CDK19: variants seen among roughly 807,000 people sequenced by gnomAD.
CDK19 encodes the protein cyclin-dependent kinase 19.
Under a neutral mutation model 68.3 loss-of-function variants are expected in CDK19, and 20 were observed. The observed-to-expected ratio is 0.29, with a 90% CI of 0.21 to 0.43. The LOEUF is 0.43. Ranked by LOEUF, CDK19 falls within the 20% of genes least tolerant of loss-of-function variation. The pLI, the probability that CDK19 is intolerant of heterozygous loss-of-function variation, is 1.00. For missense variants in CDK19, 339 were observed against 623.5 expected, an observed-to-expected ratio of 0.54 and a Z score of 4.86; for synonymous variants, 221 against 222.8, an observed-to-expected ratio of 0.99 and a Z score of 0.07.
chr6:110,687,225 C>T (rs1277466257), intron 2 of CDK19, among the ~76,000 whole-genome samples: 1 of 152,094 alleles, frequency 6.6e-6, no homozygotes. Context: ...GTTGAAAGTT[C>T]CACTTTTCAG....
chr6:110,663,621 T>G (rs1223774265), intron 4 of CDK19, among the ~76,000 whole-genome samples: 1 of 152,188 alleles, frequency 6.6e-6, no homozygotes, highest in African/African-American at 2.4e-5. Context: ...AGCCTTGACC[T>G]CCTGGGCTAA....
At chr6:110,683,003 C>T (rs764369086) in intron 2 of CDK19, among the ~76,000 whole-genome samples, 4 of 151,734 alleles carry the variant, frequency 2.6e-5, no homozygotes, top group Non-Finnish European at 5.9e-5. Context: ...TGGTGAAACC[C>T]AATCTCTACT....
At chr6:110,799,045 G>C (rs1348366662) in intron 1 of CDK19, among the ~76,000 whole-genome samples, 1 of 150,502 alleles carries the variant, frequency 6.6e-6, no homozygotes, top group South Asian at 2.1e-4. Context: ...TCAGGAGGCT[G>C]AGGTGGGAGA....
chr6:110,760,378 C>T (rs537212650), intron 1 of CDK19, among the ~76,000 whole-genome samples: 2 of 112,986 alleles, frequency 1.8e-5, no homozygotes, highest in Non-Finnish European at 3.3e-5. Context: ...GCCTGGGCCA[C>T]AGAGCAAGGC....
intron 2 of CDK19, among the ~76,000 whole-genome samples, chr6:110,684,105 AC>A (rs757245987): frequency 1.3e-4 from 20 of 152,100 alleles, no homozygotes; most frequent in Non-Finnish European, 2.8e-4. Context: ...GAAAAATGAA[AC>A]AGATACAAAC....
intron 1 of CDK19, among the ~76,000 whole-genome samples, chr6:110,771,281 G>A (rs962682084): frequency 2.0e-5 from 3 of 152,212 alleles, no homozygotes; most frequent in Non-Finnish European, 4.4e-5. Flanking sequence ...TACATCTTCT[G>A]AAATCTAGAT....
chr6:110,726,155 G>C (rs1226324524), intron 2 of CDK19, among the ~76,000 whole-genome samples: 1 of 152,054 alleles, frequency 6.6e-6, no homozygotes, highest in Non-Finnish European at 1.5e-5. Flanking sequence ...GATAATCCTA[G>C]TATTTCATGA....
At chr6:110,665,963 G>A (rs776027361) in intron 4 of CDK19, among the ~76,000 whole-genome samples, 13 of 151,726 alleles carry the variant, frequency 8.6e-5, no homozygotes, top group Non-Finnish European at 1.8e-4. Flanking sequence ...GGCCGGTCTC[G>A]AAGTCCTGAG....
intron 2 of CDK19, among the ~76,000 whole-genome samples, chr6:110,677,257 T>TAA (rs1771606133): frequency 6.6e-6 from 1 of 152,148 alleles, no homozygotes; most frequent in Non-Finnish European, 1.5e-5. Context: ...AGGAGCCTTG[T>TAA]AAGCCATGCA....
chr6:110,627,176 A>G (rs372357721), intron 6 of CDK19, 31 bp from the exon 7 acceptor site: 6 of 1,550,010 alleles, frequency 3.9e-6, no homozygotes, highest in South Asian at 1.2e-5. Context: ...GTTTTTGTAT[A>G]TATTTCCTTG....
At chr6:110,622,953 T>G (rs747181937) in intron 9 of CDK19, 41 bp from the exon 10 acceptor site, 10 of 1,201,906 alleles carry the variant, frequency 8.3e-6, no homozygotes, top group Non-Finnish European at 1.2e-5. Context: ...ATGAAAAGGT[T>G]ATTTACAAGT....
chr6:110,712,605 G>A (rs1468253814), intron 2 of CDK19, among the ~76,000 whole-genome samples: 1 of 152,120 alleles, frequency 6.6e-6, no homozygotes, highest in Non-Finnish European at 1.5e-5. Context: ...TCTTGTCTTT[G>A]GGGTTCTTGC....
At chr6:110,628,776 G>C (rs1232964206) in intron 6 of CDK19, among the ~76,000 whole-genome samples, 1 of 152,130 alleles carries the variant, frequency 6.6e-6, no homozygotes, top group Non-Finnish European at 1.5e-5. Context: ...TTACTTATTT[G>C]ACCACATTCA....
intron 1 of CDK19, among the ~76,000 whole-genome samples, chr6:110,750,853 T>C (rs1308576021): frequency 6.6e-6 from 1 of 152,150 alleles, no homozygotes; most frequent in Non-Finnish European, 1.5e-5. Flanking sequence ...TTTTCTTTTC[T>C]GAGACAGAGT....
chr6:110,629,256 G>C (rs143732078), intron 6 of CDK19, among the ~76,000 whole-genome samples: 26 of 152,212 alleles, frequency 1.7e-4, no homozygotes, highest in African/African-American at 6.3e-4. Context: ...CCTCATATTA[G>C]CCTATAATTT....
At chr6:110,663,413 A>C (rs1317681462) in intron 4 of CDK19, among the ~76,000 whole-genome samples, 1 of 152,226 alleles carries the variant, frequency 6.6e-6, no homozygotes, top group Non-Finnish European at 1.5e-5. Context: ...TACAGTTTAA[A>C]TCTACTCCTG....
intron 2 of CDK19, among the ~76,000 whole-genome samples, chr6:110,682,057 C>T (rs890245297): frequency 2.6e-5 from 4 of 152,184 alleles, no homozygotes; most frequent in African/African-American, 9.7e-5. Flanking sequence ...CATCTTTCTT[C>T]CCTTTTCACT....
intron 2 of CDK19, among the ~76,000 whole-genome samples, chr6:110,704,659 A>G (rs1774287932): frequency 6.6e-6 from 1 of 152,234 alleles, no homozygotes; most frequent in Admixed American, 6.5e-5. Flanking sequence ...TTATGAATGC[A>G]GTCAATATCA....
chr6:110,764,138 T>C (rs776221223), intron 1 of CDK19, among the ~76,000 whole-genome samples: 7 of 152,214 alleles, frequency 4.6e-5, no homozygotes, highest in Non-Finnish European at 8.8e-5. Context: ...ATTCCACATA[T>C]AAGTCTAAGA....
Sources: allele counts gnomAD v4.1 joint callset (sites outside exome capture counted in the v4.1 genomes callset), GRCh38; gene constraint gnomAD v4.1.1; transcripts MANE v1.5; gene names NCBI Gene and HGNC (gene_info 2026-07-23, HGNC 2026-07-21).